The following ARB2A variants were observed in gnomAD, a reference collection of about 807,000 sequenced individuals.
The protein encoded by ARB2A is cotranscriptional regulator ARB2A.
the ARB2A span, among the ~76,000 whole-genome samples, chr5:93,788,638 C>G: frequency 6.6e-6 from 1 of 152,158 alleles, no homozygotes; most frequent in Non-Finnish European, 1.5e-5. Context: ...TCCAGAACTC[C>G]ACCATAAATG....
At chr5:93,798,943 T>C in the ARB2A span, among the ~76,000 whole-genome samples, 1 of 152,160 alleles carries the variant, frequency 6.6e-6, no homozygotes, top group Non-Finnish European at 1.5e-5. Flanking sequence ...TTTAATTCCA[T>C]GGACTGAATG....
At chr5:94,018,858 A>G in the ARB2A span, among the ~76,000 whole-genome samples, 1 of 152,098 alleles carries the variant, frequency 6.6e-6, no homozygotes, top group South Asian at 2.1e-4. Flanking sequence ...AGCCAAGACA[A>G]TCCTAAGCAA....
chr5:93,910,766 T>C, the ARB2A span: 2 of 151,432 alleles, frequency 1.3e-5, no homozygotes, highest in African/African-American at 4.8e-5. Context: ...ACAGTTAACA[T>C]TTTAAACTAC....
chr5:93,756,568 T>G, the ARB2A span, among the ~76,000 whole-genome samples: 1 of 152,138 alleles, frequency 6.6e-6, no homozygotes, highest in South Asian at 2.1e-4. Context: ...GACACCCTAG[T>G]ACCAGCCCAG....
chr5:93,824,812 C>T, the ARB2A span, among the ~76,000 whole-genome samples: 2 of 152,228 alleles, frequency 1.3e-5, no homozygotes, highest in Non-Finnish European at 2.9e-5. Context: ...TCTGATGAAG[C>T]TTTCCCAGGC....
At chr5:93,760,427 A>G in the ARB2A span, among the ~76,000 whole-genome samples, 1 of 152,214 alleles carries the variant, frequency 6.6e-6, no homozygotes, top group Admixed American at 6.5e-5. Flanking sequence ...GAACCAAAAA[A>G]GAACCTGCAT....
At chr5:93,823,131 T>C in the ARB2A span, among the ~76,000 whole-genome samples, 1 of 152,212 alleles carries the variant, frequency 6.6e-6, no homozygotes, top group Admixed American at 6.5e-5. Flanking sequence ...TGCACTTTTA[T>C]CAAATTAACT....
At chr5:94,056,223 T>A in the ARB2A span, among the ~76,000 whole-genome samples, 1 of 152,204 alleles carries the variant, frequency 6.6e-6, no homozygotes, top group African/African-American at 2.4e-5. Context: ...GAATAAACAG[T>A]TATGAATACA....
the ARB2A span, chr5:94,074,605 G>A: frequency 1.4e-6 from 2 of 1,470,242 alleles, no homozygotes; most frequent in Non-Finnish European, 1.9e-6. Context: ...CCTTTATTAG[G>A]CACAATGAAA....
chr5:93,992,082 T>C, the ARB2A span, among the ~76,000 whole-genome samples: 1 of 151,798 alleles, frequency 6.6e-6, no homozygotes, highest in Non-Finnish European at 1.5e-5. Context: ...ACAGAAATAA[T>C]ACAAGCCAGA....
chr5:93,972,388 A>G, the ARB2A span, among the ~76,000 whole-genome samples: 5 of 152,072 alleles, frequency 3.3e-5, no homozygotes, highest in Admixed American at 6.6e-5. Flanking sequence ...AATCAATCAC[A>G]AACAATACAC....
chr5:93,800,183 T>A, the ARB2A span, among the ~76,000 whole-genome samples: 1 of 152,062 alleles, frequency 6.6e-6, no homozygotes, highest in Admixed American at 6.6e-5. Flanking sequence ...ACTGCCCATG[T>A]GTTTATATTC....
chr5:94,004,367 G>GTCAGGAGA, the ARB2A span, among the ~76,000 whole-genome samples: 5 of 151,842 alleles, frequency 3.3e-5, no homozygotes, highest in African/African-American at 1.2e-4. Context: ...GGATCACAAG[G>GTCAGGAGA]TCAGGAGATC....
At chr5:94,008,859 C>T in the ARB2A span, among the ~76,000 whole-genome samples, 5 of 152,016 alleles carry the variant, frequency 3.3e-5, no homozygotes. Flanking sequence ...CTTCAATTAA[C>T]CAATTTAGCT....
chr5:93,781,943 T>G, the ARB2A span: 1 of 984,706 alleles, frequency 1.0e-6, no homozygotes, highest in South Asian at 4.7e-5. Context: ...TTTCAAGGAG[T>G]CTTGCAGAGG....
At chr5:93,902,145 GTTAC>G in the ARB2A span, among the ~76,000 whole-genome samples, 1 of 151,904 alleles carries the variant, frequency 6.6e-6, no homozygotes, top group Non-Finnish European at 1.5e-5. Context: ...TCAATAAAAT[GTTAC>G]TTTGTTGGTT....
At chr5:93,881,050 A>G in the ARB2A span, among the ~76,000 whole-genome samples, 1 of 151,690 alleles carries the variant, frequency 6.6e-6, no homozygotes, top group Non-Finnish European at 1.5e-5. Flanking sequence ...TCAGCAGGTG[A>G]TATGTCTTAG....
chr5:93,951,670 C>T, the ARB2A span, among the ~76,000 whole-genome samples: 1 of 152,002 alleles, frequency 6.6e-6, no homozygotes, highest in African/African-American at 2.4e-5. Context: ...CTATTCTATT[C>T]CATTGGTTGA....
chr5:93,649,994 A>G, the ARB2A span, among the ~76,000 whole-genome samples: 1 of 152,226 alleles, frequency 6.6e-6, no homozygotes, highest in African/African-American at 2.4e-5. Flanking sequence ...CTCATCATTC[A>G]CAATGTCCAA....
Sources: gnomAD v4.1 joint callset for allele counts (sites outside exome capture counted in the v4.1 genomes callset) on GRCh38, gnomAD v4.1.1 for gene constraint, MANE v1.5 for transcripts, NCBI Gene and HGNC (gene_info 2026-07-23, HGNC 2026-07-21) for gene names.